TMCO6: variants seen among roughly 807,000 people sequenced by gnomAD.
TMCO6 encodes transmembrane and coiled-coil domain-containing protein 6.
In TMCO6, 47 loss-of-function variants were observed where a neutral mutation model predicts 61.8. The ratio of observed to expected loss-of-function variants is 0.76; its 90% CI spans 0.60 to 0.97. The LOEUF is 0.97. TMCO6 is among the 50% of genes least tolerant of loss of function. The pLI is 0.00. For synonymous variants in TMCO6, 261 were observed against 254.2 expected, an observed-to-expected ratio of 1.03 and a Z score of -0.25; for missense variants, 557 against 601.6, an observed-to-expected ratio of 0.93 and a Z score of 0.78.
rs1757099866 is a variant in TMCO6 at position 140,642,428 on chromosome 5, T to C, written c.603+9T>C. ...TGGCTGCCTGCATCCAGGTGACTCC[T>C]TTCTTCCTCCCTGGGCAACCCTTCC... On this transcript the variant is annotated intron_variant, in intron 5 of 11. Transcript: ENST00000394671. 1 of 1,611,318 alleles carries C rather than the reference T, an allele frequency of 6.2e-7. No individual in the cohort carries two copies. The highest frequency in any genetic ancestry group is 8.5e-7 in the Non-Finnish European group (1 of 1,178,574).
chr5:140,635,337 G>A (rs903968361), upstream of TMCO6, among the ~76,000 whole-genome samples: 1 of 152,218 alleles, frequency 6.6e-6, no homozygotes, highest in African/African-American at 2.4e-5. Flanking sequence ...ATGAGACTTG[G>A]GCCTCCCTTC....
intron 10 of TMCO6, 142 bp from the exon 11 acceptor site, chr5:140,644,431 G>A: frequency 9.8e-7 from 1 of 1,017,882 alleles, no homozygotes; most frequent in Non-Finnish European, 1.5e-6. Context: ...TGCATCATAG[G>A]GTAGTTGTAG....
At chr5:140,623,088 T>C in the TMCO6 span, among the ~76,000 whole-genome samples, 1 of 152,278 alleles carries the variant, frequency 6.6e-6, no homozygotes, top group African/African-American at 2.4e-5. Context: ...TAAAAGAAAT[T>C]AAGGAGTGTG....
At chr5:140,636,686 T>C (rs1352552298), upstream of TMCO6, among the ~76,000 whole-genome samples, 3 of 152,012 alleles carry the variant, frequency 2.0e-5, no homozygotes, top group Non-Finnish European at 4.4e-5. Context: ...AGAGAAGATA[T>C]GGAGGATGGA....
At chr5:140,607,193 C>T in the TMCO6 span, among the ~76,000 whole-genome samples, 1 of 152,212 alleles carries the variant, frequency 6.6e-6, no homozygotes, top group South Asian at 2.1e-4. Flanking sequence ...GCAATAACTC[C>T]CTGTCTCCTC....
At chr5:140,641,597 G>A (rs1358251055) in intron 2 of TMCO6, 68 bp from the exon 3 acceptor site, 38 of 1,344,714 alleles carry the variant, frequency 2.8e-5, no homozygotes, top group Non-Finnish European at 3.6e-5. Context: ...AGGTGAAGTG[G>A]GCAGAGAGAG....
chr5:140,644,126 T>C lies in TMCO6; in HGVS notation c.1132T>C (p.Leu378=). ...AAACAGTCCTAGTTTCTGTACCTCCTTGCTCTCCCTGGATCTGATTGAGCC... is the reference window on the plus strand; with the variant it reads ...AAACAGTCCTAGTTTCTGTACCTCCCTGCTCTCCCTGGATCTGATTGAGCC... The part of the protein sequence containing the change: ...TANSPSFCTS[L]LSLDLIEPLL... Residue 378 remains leucine (L), a synonymous_variant, in exon 10 of 12, where the codon TTG becomes CTG. Coordinates refer to ENST00000394671, the MANE Select transcript of TMCO6 (RefSeq NM_018502.5). 6 of 1,614,232 alleles carry C rather than the reference T, an allele frequency of 3.7e-6. No homozygotes were observed. The East Asian group carries it at 1.1e-4, about 30-fold the overall frequency.
the TMCO6 span, chr5:140,632,821 C>G: frequency 6.2e-7 from 1 of 1,614,010 alleles, no homozygotes; most frequent in Non-Finnish European, 8.5e-7. This position sits in a 1 kb window ranked among gnomAD's most constrained non-coding sequence, Gnocchi z 6.2. Flanking sequence ...TCCACCTCTA[C>G]TGCAGACACA....
rs1422466228 is a variant in TMCO6, at chr5:140,639,504, C to T, written c.-24C>T. On this transcript the variant is annotated 5_prime_UTR_variant, in exon 1 of 12. Coordinates refer to ENST00000394671, the MANE Select transcript of TMCO6 (RefSeq NM_018502.5). ...GGAGCGTTGTGGCTGCTGTTTCCTTCGGCTTTCCTCCTCCTGCTCCACCAT... is the reference window on the plus strand; with the variant it reads ...GGAGCGTTGTGGCTGCTGTTTCCTTTGGCTTTCCTCCTCCTGCTCCACCAT... 8 of 1,548,310 alleles carry T rather than the reference C, an allele frequency of 5.2e-6. No homozygotes were observed. Among genetic ancestry groups the T allele is most frequent in the Admixed American group, 2.0e-5 (1 of 50,958 alleles).
At chr5:140,639,396 A>T, upstream of TMCO6, 1 of 896,166 alleles carries the variant, frequency 1.1e-6, no homozygotes, top group South Asian at 1.6e-5. Flanking sequence ...CTCACCCAGC[A>T]CCCACCCCGC....
At chr5:140,624,987 G>A in the TMCO6 span, among the ~76,000 whole-genome samples, 1 of 151,608 alleles carries the variant, frequency 6.6e-6, no homozygotes. Context: ...CTGAGTAGCT[G>A]GGATTACAGG....
At chr5:140,609,168 C>T in the TMCO6 span, 29,987 of 153,316 alleles carry the variant, frequency 0.2, 3,414 homozygotes, top group East Asian at 0.29. Flanking sequence ...GCTCAGTCGC[C>T]ACCACCATGG....
At chr5:140,645,503 A>T (rs1757342970), downstream of TMCO6, 3 of 1,532,826 alleles carry the variant, frequency 2.0e-6, no homozygotes, top group African/African-American at 4.1e-5. Flanking sequence ...TATGAGGAAT[A>T]GGAGAACACA....
At chr5:140,598,751 T>C in the TMCO6 span, among the ~76,000 whole-genome samples, 1 of 152,124 alleles carries the variant, frequency 6.6e-6, no homozygotes, top group Non-Finnish European at 1.5e-5. Flanking sequence ...CTGGTCAACA[T>C]GGTGAAACCC....
At chr5:140,647,238 C>G (rs188802167), downstream of TMCO6, 6 of 1,530,868 alleles carry the variant, frequency 3.9e-6, no homozygotes, top group African/African-American at 8.3e-5. Flanking sequence ...CCCCAGACCC[C>G]TGGCGTCCCG....
At chr5:140,647,730 C>G, downstream of TMCO6, 1 of 1,318,266 alleles carries the variant, frequency 7.6e-7, no homozygotes, top group South Asian at 1.2e-5. Context: ...ATTGTAGGAC[C>G]GCTGCGAGGT....
At chr5:140,610,108 G>A in the TMCO6 span, among the ~76,000 whole-genome samples, 1 of 151,046 alleles carries the variant, frequency 6.6e-6, no homozygotes, top group Non-Finnish European at 1.5e-5. Context: ...TAGCACTTTG[G>A]GAGGCTGAGG....
the TMCO6 span, among the ~76,000 whole-genome samples, chr5:140,628,807 T>C: frequency 6.6e-6 from 1 of 152,184 alleles, no homozygotes; most frequent in Non-Finnish European, 1.5e-5. Flanking sequence ...GGTCCATTAT[T>C]AAGTAAAATA....
intron 6 of TMCO6, 49 bp from the exon 7 acceptor site, chr5:140,642,876 C>T (rs760856981): frequency 1.9e-6 from 3 of 1,613,886 alleles, no homozygotes; most frequent in East Asian, 2.2e-5. Flanking sequence ...TTGGTAAGAA[C>T]CACTGGCATC....
Sources: allele counts gnomAD v4.1 joint callset (sites outside exome capture counted in the v4.1 genomes callset), GRCh38; gene constraint gnomAD v4.1.1; non-coding constraint Gnocchi (gnomAD v3.1); transcripts MANE v1.5; gene names NCBI Gene and HGNC (gene_info 2026-07-23, HGNC 2026-07-21).